Variants in PTBP2 observed in about 807,000 individuals in gnomAD.
PTBP2 encodes the protein polypyrimidine tract binding protein 2.
A neutral mutation model predicts 61.4 loss-of-function variants in PTBP2; 13 were observed. That is an observed-to-expected ratio of 0.21 (90% CI 0.14 to 0.34). The LOEUF (loss-of-function observed/expected upper bound fraction) is 0.34. PTBP2 is among the 10% of genes least tolerant of loss of function. PTBP2 has a pLI of 1.00. For synonymous variants in PTBP2, 215 were observed against 218.5 expected, an observed-to-expected ratio of 0.98 and a Z score of 0.14; for missense variants, 405 against 642.6, an observed-to-expected ratio of 0.63 and a Z score of 4.00.
exon 14 of PTBP2, chr1:96,823,251 GCAC>G (rs2101330164): frequency 6.6e-6 from 1 of 152,372 alleles, no homozygotes; most frequent in African/African-American, 2.4e-5. Flanking sequence ...ATGAGCCATG[GCAC>G]CCGGCCAAGA....
chr1:96,796,873 T>A (rs1660449501), intron 8 of PTBP2, among the ~76,000 whole-genome samples: 1 of 151,770 alleles, frequency 6.6e-6, no homozygotes, highest in South Asian at 2.1e-4. Context: ...AAGAAAAGAA[T>A]GAAGTTAGGA....
intron 2 of PTBP2, among the ~76,000 whole-genome samples, chr1:96,732,669 A>G (rs992731173): frequency 6.6e-6 from 1 of 152,242 alleles, no homozygotes; most frequent in African/African-American, 2.4e-5. Context: ...CTATATGGCT[A>G]CAGTAGGAAA....
intron 5 of PTBP2, among the ~76,000 whole-genome samples, chr1:96,775,337 A>C (rs990374130): frequency 6.6e-6 from 1 of 152,262 alleles, no homozygotes; most frequent in Non-Finnish European, 1.5e-5. Flanking sequence ...GATATGTACA[A>C]GAAAGTTCAT....
intron 2 of PTBP2, among the ~76,000 whole-genome samples, chr1:96,742,125 A>G (rs1026188996): frequency 6.6e-6 from 1 of 152,206 alleles, no homozygotes; most frequent in Non-Finnish European, 1.5e-5. Flanking sequence ...TAAATTTAGT[A>G]GTTAATTGGG....
chr1:96,769,455 C>G (rs1246460508), intron 3 of PTBP2, among the ~76,000 whole-genome samples: 1 of 151,912 alleles, frequency 6.6e-6, no homozygotes, highest in Non-Finnish European at 1.5e-5. Context: ...TTAATAATTA[C>G]TCTTTATAAT....
intron 3 of PTBP2, among the ~76,000 whole-genome samples, chr1:96,760,223 T>G (rs1205458862): frequency 6.6e-6 from 1 of 151,974 alleles, no homozygotes; most frequent in Non-Finnish European, 1.5e-5. Context: ...AATTTTTTTT[T>G]AAGTGGCAAA....
intron 3 of PTBP2, among the ~76,000 whole-genome samples, chr1:96,766,822 G>A (rs944663981): frequency 3.9e-5 from 6 of 152,028 alleles, no homozygotes; most frequent in Non-Finnish European, 7.4e-5. Flanking sequence ...TCTTTTTTAG[G>A]CAACCTGTAT....
At chr1:96,767,726 A>C (rs559266237) in intron 3 of PTBP2, among the ~76,000 whole-genome samples, 6 of 152,154 alleles carry the variant, frequency 3.9e-5, no homozygotes, top group Non-Finnish European at 8.8e-5. Context: ...ACGGGCCTAG[A>C]GATGATTTTG....
chr1:96,808,641 T>C (rs555196234), intron 11 of PTBP2, among the ~76,000 whole-genome samples: 6 of 152,226 alleles, frequency 3.9e-5, no homozygotes, highest in Non-Finnish European at 8.8e-5. Context: ...TTATAAGATA[T>C]TGTCACTAAA....
At chr1:96,817,877 A>G (rs72722001), downstream of PTBP2, 10 of 152,240 alleles carry the variant, frequency 6.6e-5, no homozygotes, top group Middle Eastern at 0.01. Flanking sequence ...AAATAGTACA[A>G]TATTGTTCAA....
chr1:96,777,501 A>G (rs1375122479), intron 5 of PTBP2, 84 bp from the exon 6 acceptor site: 7 of 1,245,248 alleles, frequency 5.6e-6, no homozygotes, highest in Non-Finnish European at 6.5e-6. Context: ...AGTTCTAGGA[A>G]CAAAGTGAAC....
At chr1:96,811,476 GT>G in intron 11 of PTBP2, among the ~76,000 whole-genome samples, 1 of 151,782 alleles carries the variant, frequency 6.6e-6, no homozygotes, top group Non-Finnish European at 1.5e-5. Flanking sequence ...GGAGTGCACT[GT>G]GGCACCATCT....
At position 96,770,694 on chromosome 1, in the gene PTBP2, A is replaced by G. The variant is rs766224564; in HGVS notation, c.289-14A>G. 5 of 1,601,406 alleles carry G rather than the reference A, an allele frequency of 3.1e-6. No individual in the cohort carries two copies. In the East Asian group the frequency reaches 6.7e-5, roughly 22 times the overall value. Reference sequence around the variant, plus strand: ...AATTTATAGTATTAAAAATTGTGCTACTTAAATTTTCAGGCATTTTTGGAA... The same window carrying G: ...AATTTATAGTATTAAAAATTGTGCTGCTTAAATTTTCAGGCATTTTTGGAA... On this transcript the variant is annotated splice_polypyrimidine_tract_variant and intron_variant, in intron 4 of 13. Coordinates refer to ENST00000674951, the MANE Select transcript of PTBP2 (RefSeq NM_021190.4).
chr1:96,768,383 G>A (rs1283918816), intron 3 of PTBP2, among the ~76,000 whole-genome samples: 2 of 152,046 alleles, frequency 1.3e-5, no homozygotes, highest in Non-Finnish European at 2.9e-5. Context: ...TATAGATGTT[G>A]TTGAACATAC....
intron 7 of PTBP2, among the ~76,000 whole-genome samples, chr1:96,780,432 CTTACTA>C (rs1570924223): frequency 6.6e-6 from 1 of 152,030 alleles, no homozygotes; most frequent in Non-Finnish European, 1.5e-5. Flanking sequence ...CATTTCTCTA[CTTACTA>C]TTATTTGGTT....
chr1:96,727,688 T>A (rs1031583168), intron 2 of PTBP2, among the ~76,000 whole-genome samples: 1 of 152,228 alleles, frequency 6.6e-6, no homozygotes, highest in African/African-American at 2.4e-5. Context: ...AGCTGTTATC[T>A]TTGGTGAAGT....
chr1:96,821,922 C>T (rs1428859348), exon 14 of PTBP2: 1 of 152,152 alleles, frequency 6.6e-6, no homozygotes, highest in Non-Finnish European at 1.5e-5. Context: ...GCCACCGCTC[C>T]CAGCCTATTT....
At chr1:96,806,574 C>T in intron 10 of PTBP2, 122 bp downstream of exon 10, 1 of 1,104,276 alleles carries the variant, frequency 9.1e-7, no homozygotes, top group Non-Finnish European at 1.3e-6. Flanking sequence ...TTTTTCTTTG[C>T]TATTTAAAAC....
At chr1:96,768,572 G>A (rs1423096630) in intron 3 of PTBP2, among the ~76,000 whole-genome samples, 1 of 151,906 alleles carries the variant, frequency 6.6e-6, no homozygotes, top group Non-Finnish European at 1.5e-5. Context: ...CCATTGATCT[G>A]GCATAGTAGA....
Sources: allele counts gnomAD v4.1 joint callset (sites outside exome capture counted in the v4.1 genomes callset), GRCh38; gene constraint gnomAD v4.1.1; transcripts MANE v1.5; gene names NCBI Gene and HGNC (gene_info 2026-07-23, HGNC 2026-07-21).